ZNF222: variants seen among roughly 807,000 people sequenced by gnomAD.
ZNF222 encodes zinc finger protein 222.
A neutral mutation model predicts 11.6 loss-of-function variants in ZNF222; 8 were observed. That is an observed-to-expected ratio of 0.69 (90% CI 0.41 to 1.25). The LOEUF is 1.25. Ranked by LOEUF, ZNF222 falls within the 50% of genes most tolerant of loss-of-function variation. The probability of loss-of-function intolerance (pLI) is 0.01; values close to 1 mark genes in which losing one functional copy is unlikely to be tolerated. For missense variants in ZNF222, 483 were observed against 576.1 expected (o/e 0.84, Z 1.65); for synonymous variants, 171 against 195.6 (o/e 0.87, Z 1.05).
intron 3 of ZNF222, chr19:44,028,348 A>C (rs1196009509): frequency 1.5e-5 from 6 of 398,034 alleles, no homozygotes; most frequent in Non-Finnish European, 2.2e-5. Context: ...GGTTCTGAGG[A>C]CTGGATGTAG....
In ZNF222 at chr19:44,032,846, A is replaced by G. The variant is rs746233539; in HGVS notation, c.1292A>G (p.His431Arg). ...ASSILNHKKL[H>R]CQRKPLKCED... ...AGTATTTTGAATCATAAGAAACTCCACTGCCAAAGAAAGCCATTGAAATGT... is the reference window on the plus strand; with the variant it reads ...AGTATTTTGAATCATAAGAAACTCCGCTGCCAAAGAAAGCCATTGAAATGT... Residue 431 changes from histidine to arginine, a missense_variant, in exon 4 of 4, where the codon CAC (histidine) becomes CGC (arginine). Physicochemically the swap from His to Arg is conservative, Grantham distance 29. Coordinates refer to ENST00000391960, the MANE Select transcript of ZNF222 (RefSeq NM_001129996.2). 1 of 1,613,628 alleles carries G rather than the reference A, an allele frequency of 6.2e-7. No homozygotes were observed. The highest frequency in any genetic ancestry group is 8.5e-7 in the Non-Finnish European group (1 of 1,179,900).
Position 44,032,584 on chromosome 19 carries a change from C to T in ZNF222, c.1030C>T (p.Gln344Ter). ...FIDRLDLHKH[Q>*]MIHMGQKPYN... is the part of the protein sequence containing the mutation. Reference sequence around the variant, plus strand: ...TGATAGGCTAGATTTGCATAAGCATCAGATGATTCATATGGGACAGAAACC... The same window carrying T: ...TGATAGGCTAGATTTGCATAAGCATTAGATGATTCATATGGGACAGAAACC... The change falls in exon 4 of 4, where the codon CAG (glutamine) becomes TAG (stop). Residue 344 changes from glutamine (Q) to a stop codon, truncating the protein, a stop_gained. Transcript: ENST00000391960. LOFTEE classifies it low-confidence loss of function (END_TRUNC). 2.5e-6 allele frequency: 4 copies of T among 1,614,126 alleles called. No individual in the cohort carries two copies. Among genetic ancestry groups the T allele is most frequent in the South Asian group, 1.1e-5 (1 of 91,080 alleles).
chr19:44,031,496 G>GTTTTC (rs1976499663), intron 3 of ZNF222, among the ~76,000 whole-genome samples: 1 of 152,008 alleles, frequency 6.6e-6, no homozygotes, highest in Admixed American at 6.6e-5. Context: ...GTTTTGTTTT[G>GTTTTC]TTTTGAGACG....
intron 3 of ZNF222, chr19:44,030,819 C>T (rs1012414373): frequency 2.0e-5 from 3 of 152,224 alleles, no homozygotes; most frequent in Non-Finnish European, 2.9e-5. Flanking sequence ...CACTGATTCC[C>T]TGTGAGGTAA....
chr19:44,028,481 A>G (rs1976427619), intron 3 of ZNF222: 1 of 374,990 alleles, frequency 2.7e-6, no homozygotes, highest in Admixed American at 4.6e-5. Context: ...CTTTTAGTTT[A>G]TGCAGCTCTC....
At chr19:44,026,538 C>CTA (rs1210561316) in intron 1 of ZNF222, among the ~76,000 whole-genome samples, 12 of 132,918 alleles carry the variant, frequency 9.0e-5, no homozygotes, top group African/African-American at 4.1e-4. Context: ...TTCTCTCTCT[C>CTA]TCTCTATATA....
chr19:44,028,728 T>A (rs1218441678), intron 3 of ZNF222, among the ~76,000 whole-genome samples: 1 of 152,212 alleles, frequency 6.6e-6, no homozygotes, highest in Non-Finnish European at 1.5e-5. Flanking sequence ...ATATTTGGTA[T>A]TCTTATGAAT....
intron 3 of ZNF222, among the ~76,000 whole-genome samples, chr19:44,029,177 G>GTTTTTTTTTTTT (rs1568503536): frequency 4.0e-5 from 5 of 125,916 alleles, no homozygotes; most frequent in African/African-American, 1.6e-4. Flanking sequence ...ACAGTTGTTG[G>GTTTTTTTTTTTT]TTTGTTTTGT....
intron 3 of ZNF222, among the ~76,000 whole-genome samples, chr19:44,030,659 A>G (rs1016125023): frequency 5.9e-5 from 9 of 152,204 alleles, no homozygotes; most frequent in African/African-American, 1.9e-4. Context: ...GGTATGTTAC[A>G]TTGTCAGGAT....
chr19:44,028,933 C>T (rs1976435317), intron 3 of ZNF222, among the ~76,000 whole-genome samples: 1 of 152,206 alleles, frequency 6.6e-6, no homozygotes, highest in African/African-American at 2.4e-5. Context: ...GTATATCCTA[C>T]ACACACCCTT....
At chr19:44,028,537 T>C (rs989158731) in intron 3 of ZNF222, among the ~76,000 whole-genome samples, 1 of 152,224 alleles carries the variant, frequency 6.6e-6, no homozygotes, top group Non-Finnish European at 1.5e-5. Context: ...AAGCACCTTA[T>C]TGAAAATACT....
chr19:44,028,393 A>G (rs962840471), intron 3 of ZNF222: 3 of 396,156 alleles, frequency 7.6e-6, no homozygotes, highest in Non-Finnish European at 1.3e-5. Context: ...CTCTACTACA[A>G]AAGCTTCTGC....
intron 2 of ZNF222, 51 bp downstream of exon 2, chr19:44,027,200 T>G: frequency 6.2e-7 from 1 of 1,606,384 alleles, no homozygotes; most frequent in Non-Finnish European, 8.5e-7. Context: ...GGAGTGGTTT[T>G]TTAATCCTAG....
rs1599857300 is a variant in ZNF222, at chr19:44,025,924, C to T, written c.42+446C>T. 1.6e-6 allele frequency: 2 copies of T among 1,212,390 alleles called. No individual in the cohort carries two copies. The highest frequency in any genetic ancestry group is 3.1e-5 in the African/African-American group (2 of 65,268). The allele number at this position is 1,212,390 out of a possible 1,614,324, so 75.1% of individuals were successfully genotyped here. A position where few individuals can be genotyped will look rare whatever the true frequency, so the allele number is the denominator to read the frequency against. ...ATCCCTGCAGGACGCTGGATGATCC[C>T]TGACGCCTTCTGACCTCTTTTTAGG... is the stretch of plus-strand genomic sequence containing the variant. On this transcript the variant is annotated intron_variant, in intron 1 of 3. Coordinates refer to ENST00000391960, the MANE Select transcript of ZNF222 (RefSeq NM_001129996.2). The surrounding 1 kb of genome is among the most constrained non-coding windows in gnomAD (Gnocchi z 4.6).
In ZNF222 at chr19:44,033,086, T is replaced by C. The variant is rs544948930; in HGVS notation, c.*56T>C. 1.5e-6 allele frequency: 2 copies of C among 1,368,988 alleles called. No individual in the cohort carries two copies. Among genetic ancestry groups the C allele is most frequent in the African/African-American group, 2.9e-5 (2 of 68,110 alleles). The allele number at this position is 1,368,988 out of a possible 1,614,324, so 84.8% of individuals were successfully genotyped here. ...ATACATGTATATAATGTGTGCTGAT[T>C]AAATCAGTTTAATTTCACCTGAAAC... is the stretch of plus-strand genomic sequence containing the variant. On this transcript the variant is annotated 3_prime_UTR_variant, in exon 4 of 4. Transcript: ENST00000391960.
intron 3 of ZNF222, among the ~76,000 whole-genome samples, chr19:44,028,917 A>G (rs944361050): frequency 5.3e-5 from 8 of 152,186 alleles, no homozygotes; most frequent in African/African-American, 1.9e-4. Flanking sequence ...CATGTAAAGT[A>G]TTTGTGTATA....
chr19:44,032,620 A>G lies in ZNF222; in HGVS notation c.1066A>G (p.Lys356Glu), dbSNP rs763359263. 1 of 1,614,126 alleles carries G rather than the reference A, an allele frequency of 6.2e-7. No individual in the cohort carries two copies. Among genetic ancestry groups the G allele is most frequent in the South Asian group, 1.1e-5 (1 of 91,074 alleles). ...TATGGGACAGAAACCATATAATTGT[A>G]AAGAATGTGGGAAGAGCTTCAAATG... ...IHMGQKPYNCKECGKSFKWSS... is the reference protein window; with the variant it reads ...IHMGQKPYNCEECGKSFKWSS... The change falls in exon 4 of 4, where the codon AAA becomes GAA. Residue 356 changes from lysine (K) to glutamate (E), a missense_variant. Coordinates refer to ENST00000391960, the MANE Select transcript of ZNF222 (RefSeq NM_001129996.2).
At chr19:44,026,081 C>T (rs1976353393) in intron 1 of ZNF222, 3 of 1,613,662 alleles carry the variant, frequency 1.9e-6, no homozygotes, top group Non-Finnish European at 2.5e-6. Context: ...GATGGCAAAG[C>T]TCTACGTGAG....
In ZNF222 at chr19:44,025,515, C is replaced by A; in HGVS notation, c.42+37C>A. ...CGCGGGCGGGGATTGCCGTTCCAGT[C>A]AGCTGAGCCTTCTGGCGTCGGGGGG... On this transcript the variant is annotated intron_variant, in intron 1 of 3. Coordinates refer to ENST00000391960, the MANE Select transcript of ZNF222 (RefSeq NM_001129996.2). This position sits in a 1 kb window ranked among gnomAD's most constrained non-coding sequence, Gnocchi z 4.6. 6.5e-7 allele frequency: 1 copy of A among 1,532,646 alleles called. No homozygotes were observed. Among genetic ancestry groups the A allele is most frequent in the Non-Finnish European group, 8.8e-7 (1 of 1,138,548 alleles). The allele number at this position is 1,532,646 out of a possible 1,614,324, so 94.9% of individuals were successfully genotyped here.
Sources: allele counts gnomAD v4.1 joint callset (sites outside exome capture counted in the v4.1 genomes callset), GRCh38; gene constraint gnomAD v4.1.1; non-coding constraint Gnocchi (gnomAD v3.1); transcripts MANE v1.5; gene names NCBI Gene and HGNC (gene_info 2026-07-23, HGNC 2026-07-21).